Variants in KSR2 observed in about 807,000 individuals in gnomAD.
KSR2 encodes the protein kinase suppressor of ras 2.
In KSR2, 25 loss-of-function variants were observed where a neutral mutation model predicts 107.8. That is an observed-to-expected ratio of 0.23 (90% CI 0.17 to 0.32). The LOEUF (loss-of-function observed/expected upper bound fraction) is 0.32, where lower values mean the gene tolerates loss of function less well. Among genes scored for constraint, KSR2 ranks in the 10% least tolerant of loss-of-function variants. The pLI, the probability that KSR2 is intolerant of heterozygous loss-of-function variation, is 1.00. For missense variants in KSR2, 887 were observed against 1,268.9 expected (o/e 0.70, Z 4.57); for synonymous variants, 480 against 507.0 (o/e 0.95, Z 0.71).
intron 3 of KSR2, among the ~76,000 whole-genome samples, chr12:117,794,582 CAT>C (rs1467848167): frequency 2.7e-5 from 4 of 147,880 alleles, no homozygotes; most frequent in Admixed American, 2.0e-4. Flanking sequence ...TGCACACATA[CAT>C]CAACATGCAC....
chr12:117,892,237 G>C lies in KSR2; in HGVS notation c.181-31806C>G, dbSNP rs1435743270. Among the ~76,000 whole-genome samples the C allele has an allele frequency of 2.6e-5, 4 of 152,160 alleles. No homozygotes were observed. The East Asian group carries it at 5.8e-4, about 22-fold the overall frequency. ...GAGAATCACTTGAACCCGGGAGGCAGAGGTTGCAGTGAGCTGAGATCGCGC... is the reference window on the plus strand; with the variant it reads ...GAGAATCACTTGAACCCGGGAGGCACAGGTTGCAGTGAGCTGAGATCGCGC... On this transcript the variant is annotated intron_variant, in intron 1 of 19. Transcript: ENST00000339824.
intron 3 of KSR2, among the ~76,000 whole-genome samples, chr12:117,820,626 C>T (rs1157753472): frequency 1.3e-5 from 2 of 152,088 alleles, no homozygotes; most frequent in Admixed American, 6.5e-5. Context: ...GGTCATCTTC[C>T]GACCCAACAC....
chr12:117,665,148 A>G (rs1388751199), intron 5 of KSR2, among the ~76,000 whole-genome samples: 1 of 152,004 alleles, frequency 6.6e-6, no homozygotes, highest in Non-Finnish European at 1.5e-5. Flanking sequence ...TGAAGAACCA[A>G]GACTGTCCAA....
intron 3 of KSR2, among the ~76,000 whole-genome samples, chr12:117,762,086 C>A (rs1018139455): frequency 4.6e-5 from 7 of 152,224 alleles, no homozygotes; most frequent in African/African-American, 1.2e-4. Context: ...AACAGCCTTG[C>A]CTTCCACTGC....
chr12:117,513,795 T>C (rs144778840), intron 14 of KSR2, among the ~76,000 whole-genome samples: 164 of 152,340 alleles, frequency 1.1e-3, no homozygotes, highest in African/African-American at 3.7e-3. Flanking sequence ...CTTCCTAGCT[T>C]ATGACCTTGG....
intron 1 of KSR2, among the ~76,000 whole-genome samples, chr12:117,954,208 G>A (rs1896443048): frequency 6.6e-6 from 1 of 152,162 alleles, no homozygotes. Context: ...TCTGGACACT[G>A]GGCAAAGATG....
chr12:117,537,914 G>C lies in KSR2; in HGVS notation c.1687+1805C>G, dbSNP rs901893021. Among the ~76,000 whole-genome samples the C allele has an allele frequency of 2.6e-5, 4 of 152,310 alleles. No individual in the cohort carries two copies. In the South Asian group the frequency reaches 8.3e-4, roughly 32 times the overall value. On this transcript the variant is annotated intron_variant, in intron 10 of 19. Coordinates refer to ENST00000339824, the MANE Select transcript of KSR2 (RefSeq NM_173598.6). Reference sequence around the variant, plus strand: ...CAGCAGATTCTTTAAGGGATGAAAAGAGCTGTGGTCCTTTTGTGCACAGTT... The same window carrying C: ...CAGCAGATTCTTTAAGGGATGAAAACAGCTGTGGTCCTTTTGTGCACAGTT...
intron 6 of KSR2, among the ~76,000 whole-genome samples, chr12:117,580,194 C>G (rs1879556455): frequency 1.3e-5 from 2 of 152,174 alleles, no homozygotes; most frequent in African/African-American, 4.8e-5. Flanking sequence ...AGTCACTCTC[C>G]AAACAGAATA....
intron 5 of KSR2, 91 bp from the exon 6 acceptor site, chr12:117,582,450 C>T (rs1470053666): frequency 4.3e-6 from 4 of 930,880 alleles, no homozygotes; most frequent in East Asian, 4.9e-5. Flanking sequence ...GGGCTCGTCA[C>T]CCTCAGGAAG....
intron 1 of KSR2, among the ~76,000 whole-genome samples, chr12:117,862,066 T>C (rs1218709648): frequency 6.6e-6 from 1 of 151,406 alleles, no homozygotes; most frequent in African/African-American, 2.4e-5. Context: ...TATCATCTTT[T>C]TTTTTTTTTT....
rs775100686 is a variant in KSR2 at position 117,525,154 on chromosome 12, G to A, written c.1917C>T (p.Leu639=). Residue 639 remains leucine, a synonymous_variant, in exon 14 of 20, where the codon CTC becomes CTT. Transcript: ENST00000339824. ...EDDFEEMNLS[L]LSARSFPRKA... ...TGCGTGGGAAGCTCCGGGCCGAGAG[G>A]AGGGACAGGTTCATCTCCTCGAAGT... The A allele has an allele frequency of 1.9e-6, 3 of 1,613,968 alleles. No individual in the cohort carries two copies. The highest frequency in any genetic ancestry group is 4.5e-5 in the East Asian group (2 of 44,866).
intron 4 of KSR2, among the ~76,000 whole-genome samples, chr12:117,715,169 A>G (rs1339632368): frequency 6.6e-6 from 1 of 152,194 alleles, no homozygotes; most frequent in Non-Finnish European, 1.5e-5. Flanking sequence ...TAAAGGGCAC[A>G]GTCTAAGTTT....
intron 1 of KSR2, among the ~76,000 whole-genome samples, chr12:117,939,813 C>T (rs1380500369): frequency 6.6e-6 from 1 of 151,612 alleles, no homozygotes; most frequent in Non-Finnish European, 1.5e-5. Context: ...TGGTTGCGGG[C>T]GCCTATAACC....
intron 1 of KSR2, among the ~76,000 whole-genome samples, chr12:117,954,097 A>C (rs907665425): frequency 2.6e-5 from 4 of 152,234 alleles, no homozygotes; most frequent in East Asian, 1.9e-4. Flanking sequence ...CTCAAAAAAA[A>C]AAAAGTTAAA....
At chr12:117,721,735 A>C (rs1004094548) in intron 4 of KSR2, among the ~76,000 whole-genome samples, 1 of 152,238 alleles carries the variant, frequency 6.6e-6, no homozygotes, top group Non-Finnish European at 1.5e-5. Flanking sequence ...GGTGTCTACA[A>C]GAAAAGAAAC....
Position 117,770,932 on chromosome 12 carries a change from G to A in KSR2, c.473-9408C>T, listed in dbSNP as rs183720858. Among the ~76,000 whole-genome samples the A allele has an allele frequency of 2.8e-3, 388 of 138,722 alleles. 1 individual carries two copies. Among genetic ancestry groups the A allele is most frequent in the African/African-American group, 9.7e-3 (352 of 36,242 alleles). 91.0% of individuals were successfully genotyped at this position (138,722 alleles called of 152,430 possible). A position where few individuals can be genotyped will look rare whatever the true frequency, so the allele number is the denominator to read the frequency against. On this transcript the variant is annotated intron_variant, in intron 3 of 19. Transcript: ENST00000339824. ...GCGGAGCTTGCAGTGGGCCAAGATC[G>A]CACCACTGCACTCCAGCCTGGGCGA...
intron 3 of KSR2, among the ~76,000 whole-genome samples, chr12:117,807,649 A>G (rs1891055465): frequency 1.3e-5 from 2 of 152,242 alleles, no homozygotes; most frequent in African/African-American, 2.4e-5. Flanking sequence ...TAAATGCATC[A>G]TAAACATCCC....
chr12:117,690,077 T>C (rs986964170), intron 4 of KSR2, among the ~76,000 whole-genome samples: 1 of 152,106 alleles, frequency 6.6e-6, no homozygotes, highest in Admixed American at 6.6e-5. Context: ...CAGAAAGCTG[T>C]GTTCCAATAA....
chr12:117,701,514 G>A (rs1886313316), intron 4 of KSR2, among the ~76,000 whole-genome samples: 1 of 152,158 alleles, frequency 6.6e-6, no homozygotes, highest in Non-Finnish European at 1.5e-5. Flanking sequence ...GTAGTGGGCT[G>A]AATGGTGCTT....
Sources: gnomAD v4.1 joint callset for allele counts (sites outside exome capture counted in the v4.1 genomes callset) on GRCh38, gnomAD v4.1.1 for gene constraint, MANE v1.5 for transcripts, NCBI Gene and HGNC (gene_info 2026-07-23, HGNC 2026-07-21) for gene names.